The following HCN1 variants were observed in gnomAD, a reference collection of about 807,000 sequenced individuals.
HCN1 encodes the protein potassium/sodium hyperpolarization-activated cyclic nucleotide-gated channel 1.
In HCN1, 13 loss-of-function variants were observed where a neutral mutation model predicts 78.9. The ratio of observed to expected loss-of-function variants is 0.16; its 90% CI spans 0.11 to 0.26. HCN1 has a LOEUF of 0.26. HCN1 is among the 10% of genes least tolerant of loss of function. The pLI is 1.00. For synonymous variants in HCN1, 552 were observed against 455.5 expected (o/e 1.21, Z -2.70); for missense variants, 810 against 1,154.3 (o/e 0.70, Z 4.32).
chr5:45,682,012 C>A (rs776588770), intron 1 of HCN1, among the ~76,000 whole-genome samples: 1 of 151,710 alleles, frequency 6.6e-6, no homozygotes. Context: ...GAGGATAGAG[C>A]CTTCATGAAT....
intron 6 of HCN1, among the ~76,000 whole-genome samples, chr5:45,299,696 A>G (rs1320126435): frequency 6.6e-6 from 1 of 152,038 alleles, no homozygotes; most frequent in Non-Finnish European, 1.5e-5. Context: ...AATCAAACAC[A>G]AGTGGCTTTA....
At chr5:45,581,577 A>G (rs1404722578) in intron 2 of HCN1, among the ~76,000 whole-genome samples, 8 of 152,100 alleles carry the variant, frequency 5.3e-5, no homozygotes, top group Non-Finnish European at 8.8e-5. Context: ...TTGGTGTTTT[A>G]AACATGAAGT....
intron 1 of HCN1, 109 bp downstream of exon 1, chr5:45,695,560 A>G: frequency 9.5e-7 from 1 of 1,052,968 alleles, no homozygotes; most frequent in Non-Finnish European, 1.4e-6. Flanking sequence ...CGGCAGCGCC[A>G]CCCCCCGCCC....
intron 3 of HCN1, among the ~76,000 whole-genome samples, chr5:45,454,610 AC>A (rs1292331898): frequency 6.6e-6 from 1 of 152,110 alleles, no homozygotes; most frequent in African/African-American, 2.4e-5. Context: ...AAAATAGATT[AC>A]TGAATCTCAA....
intron 5 of HCN1, among the ~76,000 whole-genome samples, chr5:45,316,665 C>T (rs535409115): frequency 6.6e-6 from 1 of 152,096 alleles, no homozygotes; most frequent in African/African-American, 2.4e-5. Context: ...TTAGAAAAAC[C>T]CATCGTCTCA....
intron 6 of HCN1, 47 bp downstream of exon 6, chr5:45,303,552 A>G: frequency 1.2e-6 from 2 of 1,604,150 alleles, no homozygotes; most frequent in South Asian, 2.2e-5. Flanking sequence ...AAAGATACAA[A>G]TCTCAAGCAG....
At chr5:45,425,825 G>C (rs1445717957) in intron 3 of HCN1, among the ~76,000 whole-genome samples, 1 of 152,150 alleles carries the variant, frequency 6.6e-6, no homozygotes, top group African/African-American at 2.4e-5. Flanking sequence ...AGGAGAGAAG[G>C]GAGGCTGGCA....
chr5:45,401,787 T>C (rs1739811876), intron 3 of HCN1, among the ~76,000 whole-genome samples: 1 of 152,070 alleles, frequency 6.6e-6, no homozygotes, highest in African/African-American at 2.4e-5. Context: ...TCTCTTTTAT[T>C]ATATATTGTC....
intron 3 of HCN1, among the ~76,000 whole-genome samples, chr5:45,417,730 G>A (rs184866728): frequency 7.1e-6 from 1 of 140,728 alleles, no homozygotes; most frequent in African/African-American, 2.6e-5. Flanking sequence ...AGCTACCCAG[G>A]GTCTCATTAG....
intron 3 of HCN1, among the ~76,000 whole-genome samples, chr5:45,438,429 A>G (rs949700776): frequency 1.3e-5 from 2 of 151,990 alleles, no homozygotes; most frequent in Admixed American, 6.6e-5. Context: ...CGTCTCTACT[A>G]AAAATATAAA....
intron 3 of HCN1, among the ~76,000 whole-genome samples, chr5:45,401,034 TC>T (rs1561141097): frequency 6.6e-6 from 1 of 152,234 alleles, no homozygotes; most frequent in Non-Finnish European, 1.5e-5. Context: ...TCCATTGTTC[TC>T]CAGCTTTTGC....
intron 3 of HCN1, among the ~76,000 whole-genome samples, chr5:45,450,872 A>G (rs1220456786): frequency 6.6e-6 from 1 of 152,128 alleles, no homozygotes; most frequent in Non-Finnish European, 1.5e-5. Flanking sequence ...CTTCAGTACC[A>G]CCTAGTGACA....
chr5:45,359,088 G>A (rs747892465), intron 4 of HCN1, among the ~76,000 whole-genome samples: 2 of 151,918 alleles, frequency 1.3e-5, no homozygotes, highest in African/African-American at 2.4e-5. Flanking sequence ...TATTTTGTAT[G>A]ACTCCTGTAC....
At chr5:45,449,377 G>T (rs929984539) in intron 3 of HCN1, among the ~76,000 whole-genome samples, 1 of 152,058 alleles carries the variant, frequency 6.6e-6, no homozygotes, top group Non-Finnish European at 1.5e-5. Context: ...ATCAGATTTT[G>T]ATCACTTAAC....
chr5:45,534,698 G>T (rs1670541745), intron 2 of HCN1, among the ~76,000 whole-genome samples: 1 of 151,602 alleles, frequency 6.6e-6, no homozygotes, highest in Non-Finnish European at 1.5e-5. Context: ...GGCTCATCTT[G>T]TATCAATTTG....
At chr5:45,543,901 G>A (rs1017010479) in intron 2 of HCN1, among the ~76,000 whole-genome samples, 10 of 151,824 alleles carry the variant, frequency 6.6e-5, no homozygotes, top group African/African-American at 9.7e-5. Context: ...TTTATTTCAC[G>A]AATATGATCA....
intron 5 of HCN1, among the ~76,000 whole-genome samples, chr5:45,313,951 T>C (rs1266222293): frequency 6.6e-6 from 1 of 152,116 alleles, no homozygotes; most frequent in Non-Finnish European, 1.5e-5. Context: ...CTGCAGGATA[T>C]TATCCAGGAG....
intron 3 of HCN1, among the ~76,000 whole-genome samples, chr5:45,407,399 G>A (rs1035669696): frequency 6.6e-5 from 10 of 151,986 alleles, no homozygotes; most frequent in Non-Finnish European, 1.2e-4. Flanking sequence ...ACTATGTCAC[G>A]AGTTTATGTA....
chr5:45,584,364 T>G (rs1485321275), intron 2 of HCN1, among the ~76,000 whole-genome samples: 3 of 152,200 alleles, frequency 2.0e-5, no homozygotes, highest in Non-Finnish European at 4.4e-5. Flanking sequence ...CTGCCTTTTT[T>G]TGTTTTCCAT....
Sources: allele counts gnomAD v4.1 joint callset (sites outside exome capture counted in the v4.1 genomes callset), GRCh38; gene constraint gnomAD v4.1.1; transcripts MANE v1.5; gene names NCBI Gene and HGNC (gene_info 2026-07-23, HGNC 2026-07-21).